GRID2: variants seen among roughly 807,000 people sequenced by gnomAD.
GRID2 encodes the protein glutamate ionotropic receptor delta type subunit 2, also known as glutamate receptor ionotropic, delta-2.
In GRID2, 33 loss-of-function variants were observed where a neutral mutation model predicts 114.8. The ratio of observed to expected loss-of-function variants is 0.29; its 90% CI spans 0.22 to 0.38. The LOEUF (loss-of-function observed/expected upper bound fraction) is 0.38. Ranked by LOEUF, GRID2 falls within the 10% of genes least tolerant of loss-of-function variation. The pLI, the probability that GRID2 is intolerant of heterozygous loss-of-function variation, is 1.00. For missense variants in GRID2, 1,184 were observed against 1,257.7 expected, an observed-to-expected ratio of 0.94 and a Z score of 0.89; for synonymous variants, 505 against 449.9, an observed-to-expected ratio of 1.12 and a Z score of -1.55.
chr4:92,864,483 A>T (rs1184217819), intron 2 of GRID2, among the ~76,000 whole-genome samples: 1 of 152,198 alleles, frequency 6.6e-6, no homozygotes, highest in South Asian at 2.1e-4. Flanking sequence ...TTATGGAAGG[A>T]TAACTCATGC....
chr4:92,978,212 CT>C (rs1453325118), intron 2 of GRID2, among the ~76,000 whole-genome samples: 2 of 152,090 alleles, frequency 1.3e-5, no homozygotes, highest in African/African-American at 4.8e-5. Flanking sequence ...CTCTTCATTC[CT>C]TTTCCCTTTA....
intron 2 of GRID2, among the ~76,000 whole-genome samples, chr4:92,739,385 G>A (rs1275709948): frequency 6.6e-6 from 1 of 151,932 alleles, no homozygotes; most frequent in Non-Finnish European, 1.5e-5. Flanking sequence ...TTATATCAGC[G>A]GCAGTGATGT....
chr4:93,140,463 C>G (rs1476304722), intron 4 of GRID2, among the ~76,000 whole-genome samples: 2 of 152,042 alleles, frequency 1.3e-5, no homozygotes, highest in Non-Finnish European at 2.9e-5. Context: ...CGGCTGGAAT[C>G]CGTGTCATTT....
chr4:92,818,270 T>TTGAA (rs756825797), intron 2 of GRID2, among the ~76,000 whole-genome samples: 6 of 152,184 alleles, frequency 3.9e-5, no homozygotes, highest in Non-Finnish European at 7.3e-5. Flanking sequence ...TAAATTACAT[T>TTGAA]TGAATGAATG....
chr4:93,385,621 A>C (rs1033290814), intron 8 of GRID2, among the ~76,000 whole-genome samples: 1 of 152,144 alleles, frequency 6.6e-6, no homozygotes, highest in Non-Finnish European at 1.5e-5. Flanking sequence ...GACATAAGTT[A>C]TTTCGTAAGC....
intron 4 of GRID2, among the ~76,000 whole-genome samples, chr4:93,136,632 A>T (rs573829973): frequency 1.8e-4 from 27 of 152,282 alleles, no homozygotes; most frequent in Admixed American, 5.9e-4. Flanking sequence ...ATTGTATATA[A>T]ATGTTATATA....
rs903613008 is a variant in GRID2, at chr4:92,779,035, A to G, written c.244+188749A>G. The stretch of plus-strand genomic sequence containing the variant: ...TTCATTCACTGGAAATTTTCATTCT[A>G]TCATATGTATGAAATGTAAGGCAAT... On this transcript the variant is annotated intron_variant, in intron 2 of 15. Coordinates refer to ENST00000282020, the MANE Select transcript of GRID2 (RefSeq NM_001510.4). 3.3e-5 allele frequency among the ~76,000 whole-genome samples: 5 copies of G among 152,100 alleles called. No individual in the cohort carries two copies. The South Asian group carries it at 6.2e-4, about 19-fold the overall frequency.
intron 2 of GRID2, among the ~76,000 whole-genome samples, chr4:92,955,379 T>G (rs1276326154): frequency 6.6e-6 from 1 of 152,224 alleles, no homozygotes; most frequent in Non-Finnish European, 1.5e-5. Context: ...ATGATGAGCA[T>G]TTTTTCATGT....
chr4:92,947,750 A>G (rs1326383482), intron 2 of GRID2, among the ~76,000 whole-genome samples: 2 of 151,692 alleles, frequency 1.3e-5, no homozygotes, highest in African/African-American at 2.4e-5. Context: ...TGAATACAGA[A>G]CACTTTTTAA....
intron 2 of GRID2, among the ~76,000 whole-genome samples, chr4:92,636,731 C>A (rs1049255970): frequency 1.4e-4 from 22 of 151,888 alleles, no homozygotes; most frequent in African/African-American, 5.3e-4. Context: ...GTCCCAGCGT[C>A]CCCTGCCAAC....
At chr4:92,552,488 G>A (rs981037267) in intron 1 of GRID2, among the ~76,000 whole-genome samples, 1 of 152,146 alleles carries the variant, frequency 6.6e-6, no homozygotes, top group Non-Finnish European at 1.5e-5. Context: ...CTGCAAAATG[G>A]TGTGAAGTAG....
At chr4:92,566,729 T>C (rs1382522403) in intron 1 of GRID2, among the ~76,000 whole-genome samples, 1 of 152,084 alleles carries the variant, frequency 6.6e-6, no homozygotes, top group African/African-American at 2.4e-5. Context: ...GAAGAATTTC[T>C]ATGTAACTAT....
chr4:92,631,131 C>G (rs1308515575), intron 2 of GRID2, among the ~76,000 whole-genome samples: 1 of 151,988 alleles, frequency 6.6e-6, no homozygotes, highest in African/African-American at 2.4e-5. Context: ...ATTCAGATAT[C>G]TGCTAAAGGC....
At chr4:93,448,328 T>A (rs975901263) in intron 10 of GRID2, among the ~76,000 whole-genome samples, 1 of 151,742 alleles carries the variant, frequency 6.6e-6, no homozygotes. Context: ...TTCTAGATAG[T>A]AAAAGAAAAA....
intron 2 of GRID2, among the ~76,000 whole-genome samples, chr4:92,897,075 G>T (rs1747221504): frequency 6.6e-6 from 1 of 152,042 alleles, no homozygotes; most frequent in South Asian, 2.1e-4. Flanking sequence ...CCTCCTGTTT[G>T]CTGGGTGAAC....
At chr4:93,109,507 G>C (rs1431245485) in intron 3 of GRID2, among the ~76,000 whole-genome samples, 1 of 151,912 alleles carries the variant, frequency 6.6e-6, no homozygotes, top group Non-Finnish European at 1.5e-5. Flanking sequence ...CCTGTTCTGT[G>C]GTTTTACTTA....
chr4:93,529,062 C>T (rs78272321), intron 13 of GRID2, among the ~76,000 whole-genome samples: 1 of 152,168 alleles, frequency 6.6e-6, no homozygotes, highest in South Asian at 2.1e-4. Context: ...CTTTCCATCA[C>T]AGTTAAAAAA....
At chr4:92,448,131 T>TTATGTATGTATGTATG (rs10551052) in intron 1 of GRID2, among the ~76,000 whole-genome samples, 1 of 145,366 alleles carries the variant, frequency 6.9e-6, no homozygotes, top group Non-Finnish European at 1.5e-5. Flanking sequence ...GATTTTTATT[T>TTATGTATGTATGTATG]TATGTATGTA....
chr4:93,517,951 GTATA>G (rs1560706059), intron 13 of GRID2, among the ~76,000 whole-genome samples: 13 of 32,716 alleles, frequency 4.0e-4, no homozygotes, highest in African/African-American at 1.6e-3. Flanking sequence ...ATACATACAT[GTATA>G]TGTATGTATA....
Sources: gnomAD v4.1 joint callset for allele counts (sites outside exome capture counted in the v4.1 genomes callset) on GRCh38, gnomAD v4.1.1 for gene constraint, MANE v1.5 for transcripts, NCBI Gene and HGNC (gene_info 2026-07-23, HGNC 2026-07-21) for gene names.